Variants in PSMD8 observed in about 807,000 individuals in gnomAD.
The protein encoded by PSMD8 is proteasome 26S subunit, non-ATPase 8.
Under a neutral mutation model 40.0 loss-of-function variants are expected in PSMD8, and 30 were observed. The ratio of observed to expected loss-of-function variants is 0.75; its 90% confidence interval spans 0.56 to 1.02. PSMD8 has a LOEUF of 1.02. PSMD8 is among the 50% of genes least tolerant of loss of function. The probability of loss-of-function intolerance (pLI) is 0.00; values close to 1 mark genes in which losing one functional copy is unlikely to be tolerated. For missense variants in PSMD8, 461 were observed against 463.9 expected (o/e 0.99, Z 0.06); for synonymous variants, 208 against 192.5 (o/e 1.08, Z -0.67).
rs140149301 is a variant in PSMD8 at position 38,381,052 on chromosome 19, C to T, written c.803+53C>T. ...GTTTGGAAAGAACTTGGGCTTGAGTCGGACAGCTCCGAGTCTGAATCTCAT... is the reference window on the plus strand; with the variant it reads ...GTTTGGAAAGAACTTGGGCTTGAGTTGGACAGCTCCGAGTCTGAATCTCAT... On this transcript the variant is annotated intron_variant, in intron 5 of 6. Transcript: ENST00000215071. The T allele has an allele frequency of 8.2e-5, 110 of 1,347,456 alleles. No individual in the cohort carries two copies. The African/African-American group carries it at 1.1e-3, about 14-fold the overall frequency. 83.5% of individuals were successfully genotyped at this position (1,347,456 alleles called of 1,614,324 possible). A position where few individuals can be genotyped will look rare whatever the true frequency, so the allele number is the denominator to read the frequency against.
intron 5 of PSMD8, among the ~76,000 whole-genome samples, chr19:38,381,889 C>T (rs1199128125): frequency 1.3e-5 from 2 of 152,060 alleles, no homozygotes; most frequent in African/African-American, 4.8e-5. Context: ...AGAGTGTGGG[C>T]CCAGGAGTCA....
In PSMD8 at chr19:38,383,464, G is replaced by A; in HGVS notation, c.*74G>A. On this transcript the variant is annotated 3_prime_UTR_variant, in exon 7 of 7. Coordinates refer to ENST00000215071, the MANE Select transcript of PSMD8 (RefSeq NM_002812.5). The stretch of plus-strand genomic sequence containing the variant: ...ACACTGCAGGGTTTCGCCCAATAAA[G>A]GTGGACTGACATTCCCTCTTCCAGG... The A allele has an allele frequency of 6.3e-7, 1 of 1,578,952 alleles. No homozygotes were observed. Among genetic ancestry groups the A allele is most frequent in the Non-Finnish European group, 8.7e-7 (1 of 1,153,310 alleles).
At chr19:38,381,927 CCTTG>C (rs1970643721) in intron 5 of PSMD8, among the ~76,000 whole-genome samples, 186 bp from the exon 6 acceptor site, 1 of 152,074 alleles carries the variant, frequency 6.6e-6, no homozygotes, top group Admixed American at 6.5e-5. Context: ...CACCCGTGGC[CCTTG>C]CTTGCTTTGC....
At chr19:38,379,591 G>T (rs187888683) in intron 4 of PSMD8, among the ~76,000 whole-genome samples, 186 bp downstream of exon 4, 1 of 152,328 alleles carries the variant, frequency 6.6e-6, no homozygotes, top group East Asian at 1.9e-4. Flanking sequence ...TTGTCAGACT[G>T]TGCAGTGAGC....
rs764224036 is a variant in PSMD8, at chr19:38,374,652, G to C, written c.51G>C (p.Arg17=). ...GGGCGCCACCTCGAGAGCGACGGCGGGCTACCCGGGGCGGGCTGAGGCAGG... is the reference window on the plus strand; with the variant it reads ...GGGCGCCACCTCGAGAGCGACGGCGCGCTACCCGGGGCGGGCTGAGGCAGG... ...APRAPPRERR[R]ATRGGLRQVV... The change falls in exon 1 of 7, where the codon CGG becomes CGC. Residue 17 remains arginine, a synonymous_variant. Coordinates refer to ENST00000215071, the MANE Select transcript of PSMD8 (RefSeq NM_002812.5). The C allele has an allele frequency of 3.2e-5, 49 of 1,516,900 alleles. No homozygotes were observed. The highest frequency in any genetic ancestry group is 1.4e-4 in the Admixed American group (6 of 42,558). 94.0% of individuals were successfully genotyped at this position (1,516,900 alleles called of 1,614,324 possible).
Position 38,382,768 on chromosome 19 carries a change from G to A in PSMD8, c.916-485G>A, listed in dbSNP as rs773435533. 1.1e-4 allele frequency: 20 copies of A among 177,694 alleles called. No individual in the cohort carries two copies. In the South Asian group the frequency reaches 2.0e-3, roughly 18 times the overall value. 11.0% of individuals were successfully genotyped at this position (177,694 alleles called of 1,614,324 possible). A position where few individuals can be genotyped will look rare whatever the true frequency, so the allele number is the denominator to read the frequency against. On this transcript the variant is annotated intron_variant, in intron 6 of 6. Transcript: ENST00000215071. ...CTAAAAAATACAAAAAAAATTAGCC[G>A]GATGTGGTGGCGGGTGCCTGTAATC...
intron 3 of PSMD8, among the ~76,000 whole-genome samples, chr19:38,377,797 G>A (rs1305604917): frequency 6.6e-6 from 1 of 151,982 alleles, no homozygotes; most frequent in Admixed American, 6.5e-5. Context: ...CCACGACCAC[G>A]CCCAGCTAAT....
Position 38,374,676 on chromosome 19 carries a change from G to A in PSMD8, c.75G>A (p.Gln25=), listed in dbSNP as rs779508371. 1 of 1,540,500 alleles carries A rather than the reference G, an allele frequency of 6.5e-7. No homozygotes were observed. The highest frequency in any genetic ancestry group is 1.2e-5 in the South Asian group (1 of 84,092). The change falls in exon 1 of 7, where the codon CAG becomes CAA. Residue 25 remains glutamine (Q), a synonymous_variant. Coordinates refer to ENST00000215071, the MANE Select transcript of PSMD8 (RefSeq NM_002812.5). ...GGGCTACCCGGGGCGGGCTGAGGCA[G>A]GTTGTAGCCCCGCCCCGGGCCTTGG... is the stretch of plus-strand genomic sequence containing the variant. ...RRRATRGGLR[Q]VVAPPRALGS... is the part of the protein sequence containing the mutation.
intron 3 of PSMD8, among the ~76,000 whole-genome samples, chr19:38,376,703 C>T (rs1173627961): frequency 1.3e-5 from 2 of 152,220 alleles, no homozygotes; most frequent in Non-Finnish European, 2.9e-5. Context: ...TTTCACGTGT[C>T]CTGGCCCCAG....
chr19:38,383,530 T>C lies in PSMD8; in HGVS notation c.*140T>C. The stretch of plus-strand genomic sequence containing the variant: ...TTGGGACGGCAGAGAGACAAGTTCT[T>C]ATATCTGAAGAACTTGGAGGTTTTG... On this transcript the variant is annotated 3_prime_UTR_variant, in exon 7 of 7. Transcript: ENST00000215071. 1.7e-6 allele frequency: 2 copies of C among 1,181,408 alleles called. No individual in the cohort carries two copies. The highest frequency in any genetic ancestry group is 2.4e-6 in the Non-Finnish European group (2 of 842,432). The allele number at this position is 1,181,408 out of a possible 1,614,324, so 73.2% of individuals were successfully genotyped here.
rs1365573811 is a variant in PSMD8 at position 38,382,074 on chromosome 19, G to A, written c.804-43G>A. On this transcript the variant is annotated intron_variant, in intron 5 of 6. Coordinates refer to ENST00000215071, the MANE Select transcript of PSMD8 (RefSeq NM_002812.5). ...GGTCTGGGGGGACAGGTCCTGGGAGGTTGTTGATGCTCAGTAATGAGGAGC... is the reference window on the plus strand; with the variant it reads ...GGTCTGGGGGGACAGGTCCTGGGAGATTGTTGATGCTCAGTAATGAGGAGC... 6.2e-6 allele frequency: 9 copies of A among 1,442,188 alleles called. No individual in the cohort carries two copies. In the Admixed American group the frequency reaches 1.8e-4, roughly 28 times the overall value. The allele number at this position is 1,442,188 out of a possible 1,614,324, so 89.3% of individuals were successfully genotyped here. A position where few individuals can be genotyped will look rare whatever the true frequency, so the allele number is the denominator to read the frequency against.
intron 4 of PSMD8, 58 bp from the exon 5 acceptor site, chr19:38,380,841 A>C: frequency 5.3e-6 from 7 of 1,323,000 alleles, no homozygotes; most frequent in African/African-American, 1.5e-5. Context: ...CCACACAGGT[A>C]GGCCCCTTTG....
intron 2 of PSMD8, 44 bp from the exon 3 acceptor site, chr19:38,376,308 A>G: frequency 6.5e-7 from 1 of 1,535,380 alleles, no homozygotes; most frequent in East Asian, 2.4e-5. Flanking sequence ...TGGTTGGGGA[A>G]GAGACCTCAG....
intron 3 of PSMD8, among the ~76,000 whole-genome samples, chr19:38,377,095 C>T (rs35895015): frequency 0.014 from 2,122 of 152,216 alleles, 25 homozygotes; most frequent in Non-Finnish European, 0.02. Flanking sequence ...ACAAATCTGG[C>T]TTTGAAACAT....
chr19:38,382,231 G>T lies in PSMD8; in HGVS notation c.915+3G>T. 1 of 1,580,844 alleles carries T rather than the reference G, an allele frequency of 6.3e-7. No homozygotes were observed. Among genetic ancestry groups the T allele is most frequent in the Non-Finnish European group, 8.6e-7 (1 of 1,163,618 alleles). ...AGATGACAGACTACGCCAAGAAGGT[G>T]GCTGGGGTACAGGGCAAGGGGCCGT... On this transcript the variant is annotated splice_donor_region_variant and intron_variant, in intron 6 of 6. Coordinates refer to ENST00000215071, the MANE Select transcript of PSMD8 (RefSeq NM_002812.5).
Position 38,374,754 on chromosome 19 carries a change from C to T in PSMD8, c.153C>T (p.Cys51=). ...GGGCAAGCGTTTGTAGGCGGCGCTG[C>T]CGTAAATCAGGCGGTCTGCTTGCCG... ...FRRASVCRRR[C]RKSGGLLAAS... is the part of the protein sequence containing the mutation. Residue 51 remains cysteine (C), a synonymous_variant, in exon 1 of 7, where the codon TGC becomes TGT. Transcript: ENST00000215071. 2 of 1,560,156 alleles carry T rather than the reference C, an allele frequency of 1.3e-6. No individual in the cohort carries two copies. Among genetic ancestry groups the T allele is most frequent in the Non-Finnish European group, 1.7e-6 (2 of 1,156,850 alleles).
At chr19:38,381,069 G>A in intron 5 of PSMD8, 70 bp downstream of exon 5, 1 of 1,225,286 alleles carries the variant, frequency 8.2e-7, no homozygotes. Flanking sequence ...CTCCGAGTCT[G>A]AATCTCATTC....
intron 3 of PSMD8, among the ~76,000 whole-genome samples, chr19:38,376,965 G>C (rs1407389746): frequency 6.6e-6 from 1 of 152,196 alleles, no homozygotes. Context: ...CTCAGTTACT[G>C]CTATGTCCCT....
intron 4 of PSMD8, 97 bp downstream of exon 4, chr19:38,379,502 A>G (rs1247535766): frequency 3.7e-6 from 5 of 1,344,614 alleles, no homozygotes; most frequent in Non-Finnish European, 5.2e-6. Context: ...GGGTTCACCC[A>G]TCTTTCCACC....
Sources: gnomAD v4.1 joint callset for allele counts (sites outside exome capture counted in the v4.1 genomes callset) on GRCh38, gnomAD v4.1.1 for gene constraint, MANE v1.5 for transcripts, NCBI Gene and HGNC (gene_info 2026-07-23, HGNC 2026-07-21) for gene names.